The following MLLT10 variants were observed in gnomAD, a reference collection of about 807,000 sequenced individuals.
MLLT10 encodes the protein MLLT10 histone lysine methyltransferase DOT1L cofactor, also known as protein AF-10.
Under a neutral mutation model 129.1 loss-of-function variants are expected in MLLT10, and 30 were observed. The observed-to-expected ratio is 0.23, with a 90% CI of 0.17 to 0.32. The LOEUF (loss-of-function observed/expected upper bound fraction) is 0.32. MLLT10 is among the 10% of genes least tolerant of loss of function. The pLI is 1.00. For synonymous variants in MLLT10, 490 were observed against 446.4 expected (o/e 1.10, Z -1.23); for missense variants, 1,119 against 1,268.3 (o/e 0.88, Z 1.79).
At chr10:21,671,301 G>A (rs186455628) in intron 10 of MLLT10, among the ~76,000 whole-genome samples, 6 of 152,312 alleles carry the variant, frequency 3.9e-5, no homozygotes, top group Admixed American at 3.9e-4. Flanking sequence ...ACAGGTGTGA[G>A]ATACTGTTCC....
At chr10:21,575,161 C>T (rs533118014) in intron 3 of MLLT10, among the ~76,000 whole-genome samples, 36 of 152,010 alleles carry the variant, frequency 2.4e-4, no homozygotes, top group South Asian at 4.1e-4. Flanking sequence ...TATATAGGTT[C>T]TTTAGGTAGA....
At chr10:21,586,159 T>G in intron 3 of MLLT10, 135 bp from the exon 4 acceptor site, 1 of 705,444 alleles carries the variant, frequency 1.4e-6, no homozygotes, top group South Asian at 1.7e-5. Context: ...GTGAAGAATG[T>G]TCTGAAATAT....
At chr10:21,688,606 A>C in intron 13 of MLLT10, 1 of 1,364,992 alleles carries the variant, frequency 7.3e-7, no homozygotes, top group Non-Finnish European at 1.0e-6. Context: ...TAGCTTGGAA[A>C]CCTTCCCATA....
intron 13 of MLLT10, among the ~76,000 whole-genome samples, chr10:21,684,430 C>T (rs558592850): frequency 2.9e-3 from 444 of 152,310 alleles, no homozygotes; most frequent in Non-Finnish European, 4.5e-3. Flanking sequence ...GTATGATACT[C>T]AGCCACCTCA....
intron 3 of MLLT10, among the ~76,000 whole-genome samples, chr10:21,575,061 A>G (rs2040592846): frequency 6.6e-6 from 1 of 151,936 alleles, no homozygotes; most frequent in African/African-American, 2.4e-5. Context: ...CTTTGACTTC[A>G]AATTCTCTGT....
chr10:21,574,947 A>T (rs1449224188), intron 3 of MLLT10, among the ~76,000 whole-genome samples: 1 of 152,064 alleles, frequency 6.6e-6, no homozygotes, highest in Non-Finnish European at 1.5e-5. Context: ...GTGACTTAGA[A>T]TGCATAACTT....
At chr10:21,644,494 T>C (rs1209775554) in intron 8 of MLLT10, among the ~76,000 whole-genome samples, 2 of 152,160 alleles carry the variant, frequency 1.3e-5, no homozygotes, top group Non-Finnish European at 2.9e-5. Context: ...CTTAGGGCAG[T>C]ATGCACTTTT....
At chr10:21,570,691 A>G (rs2040106508) in intron 3 of MLLT10, among the ~76,000 whole-genome samples, 1 of 151,990 alleles carries the variant, frequency 6.6e-6, no homozygotes, top group African/African-American at 2.4e-5. Flanking sequence ...TAGAAGTTCA[A>G]ATTTTAAAAA....
intron 12 of MLLT10, 45 bp downstream of exon 12, chr10:21,681,421 C>G: frequency 7.4e-7 from 1 of 1,358,562 alleles, no homozygotes; most frequent in Non-Finnish European, 1.0e-6. Context: ...TTTGTCTCCT[C>G]TAGTGCTCTT....
At chr10:21,638,451 C>T (rs184495494) in intron 8 of MLLT10, among the ~76,000 whole-genome samples, 8 of 152,158 alleles carry the variant, frequency 5.3e-5, no homozygotes, top group African/African-American at 1.9e-4. Flanking sequence ...TTCCTTACCC[C>T]CTGAGAATCC....
chr10:21,702,205 G>A (rs990689867), intron 13 of MLLT10, among the ~76,000 whole-genome samples: 7 of 152,156 alleles, frequency 4.6e-5, no homozygotes, highest in Non-Finnish European at 8.8e-5. Context: ...GATTACAGGC[G>A]TGAGCCACTG....
chr10:21,714,128 G>C (rs1304554803), intron 14 of MLLT10, among the ~76,000 whole-genome samples, 178 bp downstream of exon 14: 4 of 152,164 alleles, frequency 2.6e-5, no homozygotes, highest in African/African-American at 9.7e-5. Flanking sequence ...TCATGAGAGA[G>C]GATGGATGAG....
chr10:21,700,466 C>G (rs1383340114), intron 13 of MLLT10, among the ~76,000 whole-genome samples: 3 of 152,076 alleles, frequency 2.0e-5, no homozygotes, highest in Non-Finnish European at 4.4e-5. Flanking sequence ...AAAATTTTAG[C>G]TTTTTCCTGT....
chr10:21,639,954 C>T (rs966355529), intron 8 of MLLT10, among the ~76,000 whole-genome samples: 1 of 151,802 alleles, frequency 6.6e-6, no homozygotes, highest in Non-Finnish European at 1.5e-5. Flanking sequence ...ATTCTGTTTT[C>T]TGAGGCCTAA....
At chr10:21,592,891 C>T (rs2042646634) in intron 4 of MLLT10, among the ~76,000 whole-genome samples, 1 of 152,132 alleles carries the variant, frequency 6.6e-6, no homozygotes, top group Non-Finnish European at 1.5e-5. Flanking sequence ...TCAGATAATG[C>T]TTTCATGCCA....
At position 21,556,732 on chromosome 10, in the gene MLLT10, C is replaced by A. The variant is rs76300375; in HGVS notation, c.240+17820C>A. On this transcript the variant is annotated intron_variant, in intron 3 of 22. Transcript: ENST00000307729. Reference sequence around the variant, plus strand: ...ACTGCGCATGTGCATCTCCCCACCCCCGATGCCTGGTGTCTAACGTTCCTC... The same window carrying A: ...ACTGCGCATGTGCATCTCCCCACCCACGATGCCTGGTGTCTAACGTTCCTC... 3.8e-3 allele frequency: 6,052 copies of A among 1,611,976 alleles called. 20 individuals carry two copies. Among genetic ancestry groups the A allele is most frequent in the Non-Finnish European group, 4.9e-3 (5,730 of 1,179,610 alleles).
rs769613970 is a variant in MLLT10, at chr10:21,733,602, G to C, written c.2496+10G>C. 2 of 1,526,964 alleles carry C rather than the reference G, an allele frequency of 1.3e-6. No individual in the cohort carries two copies. The highest frequency in any genetic ancestry group is 2.8e-5 in the African/African-American group (2 of 71,604). 94.6% of individuals were successfully genotyped at this position (1,526,964 alleles called of 1,614,324 possible). ...TCCTGTATTAAATCAGGTAATTTTT[G>C]TATGGTTATTTTCATCTATGTTGAT... On this transcript the variant is annotated intron_variant, in intron 19 of 22. Transcript: ENST00000307729.
intron 4 of MLLT10, among the ~76,000 whole-genome samples, chr10:21,589,899 C>T (rs1189969964): frequency 7.0e-6 from 1 of 143,014 alleles, no homozygotes; most frequent in Admixed American, 7.0e-5. Flanking sequence ...TTTCCTTTCC[C>T]TTTCCCTTCC....
chr10:21,696,389 G>A (rs1216295017), intron 13 of MLLT10, among the ~76,000 whole-genome samples: 1 of 151,870 alleles, frequency 6.6e-6, no homozygotes, highest in African/African-American at 2.4e-5. Flanking sequence ...AATTAGGAAG[G>A]GTTTTAGGTT....
Sources: gnomAD v4.1 joint callset for allele counts (sites outside exome capture counted in the v4.1 genomes callset) on GRCh38, gnomAD v4.1.1 for gene constraint, MANE v1.5 for transcripts, NCBI Gene and HGNC (gene_info 2026-07-23, HGNC 2026-07-21) for gene names.